ZNF385D: variants seen among roughly 807,000 people sequenced by gnomAD.
ZNF385D encodes zinc finger protein 385D, also known as zinc finger protein 659.
A neutral mutation model predicts 35.8 loss-of-function variants in ZNF385D; 15 were observed. The observed-to-expected ratio is 0.42, with a 90% CI of 0.28 to 0.64. The LOEUF is 0.64. Ranked by LOEUF, ZNF385D falls within the 30% of genes least tolerant of loss-of-function variation. ZNF385D has a pLI of 0.23. For missense variants in ZNF385D, 474 were observed against 494.6 expected (o/e 0.96, Z 0.39); for synonymous variants, 212 against 186.8 (o/e 1.13, Z -1.10).
chr3:21,533,899 T>C (rs561253046), intron 3 of ZNF385D, among the ~76,000 whole-genome samples: 125 of 152,236 alleles, frequency 8.2e-4, no homozygotes, highest in African/African-American at 3.0e-3. Context: ...ATATCAGACC[T>C]CTAGCAATCT....
chr3:21,651,536 T>A (rs961295429), intron 2 of ZNF385D, among the ~76,000 whole-genome samples: 3 of 151,974 alleles, frequency 2.0e-5, no homozygotes, highest in Non-Finnish European at 2.9e-5. Context: ...TCTCTTTTTT[T>A]TTTTCTTTTT....
chr3:22,212,313 CA>C (rs1034095971), intron 2 of ZNF385D, among the ~76,000 whole-genome samples: 1 of 151,994 alleles, frequency 6.6e-6, no homozygotes, highest in Admixed American at 6.6e-5. Flanking sequence ...ACAAAAACAA[CA>C]GAGTCTCTGT....
At chr3:22,326,297 G>C (rs917769641) in intron 2 of ZNF385D, among the ~76,000 whole-genome samples, 8 of 152,278 alleles carry the variant, frequency 5.3e-5, no homozygotes, top group African/African-American at 1.9e-4. Flanking sequence ...TTGAATCTGA[G>C]AGGTAAGGGA....
intron 1 of ZNF385D, among the ~76,000 whole-genome samples, chr3:21,672,337 C>T (rs1406536536): frequency 2.6e-5 from 4 of 151,330 alleles, no homozygotes; most frequent in South Asian, 2.1e-4. Flanking sequence ...AAAGTTGATC[C>T]AGCACTTACT....
At chr3:21,697,401 G>A (rs987188567) in intron 1 of ZNF385D, among the ~76,000 whole-genome samples, 1 of 152,134 alleles carries the variant, frequency 6.6e-6, no homozygotes, top group African/African-American at 2.4e-5. Context: ...AAAGTTTCGT[G>A]ATTTGTTTTG....
At chr3:22,332,488 A>C (rs888596701) in intron 2 of ZNF385D, among the ~76,000 whole-genome samples, 3 of 152,184 alleles carry the variant, frequency 2.0e-5, no homozygotes, top group Non-Finnish European at 4.4e-5. Context: ...ATGAATTATG[A>C]GTAGAAAGTA....
At chr3:21,810,763 T>C (rs1300267988) in intron 3 of ZNF385D, among the ~76,000 whole-genome samples, 4 of 151,976 alleles carry the variant, frequency 2.6e-5, no homozygotes, top group Non-Finnish European at 5.9e-5. Flanking sequence ...TAGATGCATA[T>C]GAAGCTGGAG....
intron 3 of ZNF385D, among the ~76,000 whole-genome samples, chr3:21,870,852 TCA>T (rs1697653415): frequency 1.3e-5 from 2 of 152,158 alleles, no homozygotes; most frequent in Non-Finnish European, 1.5e-5. Flanking sequence ...CAGAATCTGA[TCA>T]GATCTCATTT....
At chr3:22,188,742 G>A (rs1172266775) in intron 2 of ZNF385D, among the ~76,000 whole-genome samples, 3 of 152,156 alleles carry the variant, frequency 2.0e-5, no homozygotes, top group Admixed American at 6.6e-5. Context: ...GAGCCACCGC[G>A]CCCAGCCGTG....
intron 2 of ZNF385D, among the ~76,000 whole-genome samples, chr3:22,283,257 A>C (rs761654292): frequency 6.6e-6 from 1 of 152,150 alleles, no homozygotes; most frequent in Non-Finnish European, 1.5e-5. Flanking sequence ...CTCCACTGAC[A>C]GCTCTAGACA....
intron 2 of ZNF385D, among the ~76,000 whole-genome samples, chr3:22,333,223 T>G (rs1438261519): frequency 6.6e-6 from 1 of 152,188 alleles, no homozygotes; most frequent in East Asian, 1.9e-4. Context: ...CTGCTTTCAA[T>G]ATTTTTCTCA....
chr3:21,806,158 T>A (rs1235037659), intron 3 of ZNF385D, among the ~76,000 whole-genome samples: 1 of 151,836 alleles, frequency 6.6e-6, no homozygotes, highest in Non-Finnish European at 1.5e-5. Flanking sequence ...TCTCCCCCTC[T>A]CTTTCACTTC....
chr3:22,123,940 C>G (rs1425469135), intron 3 of ZNF385D, among the ~76,000 whole-genome samples: 1 of 97,224 alleles, frequency 1.0e-5, no homozygotes, highest in Non-Finnish European at 2.1e-5. Flanking sequence ...CTCTCTCTCT[C>G]TCTCTCTCTC....
chr3:21,737,152 C>T lies in ZNF385D; in HGVS notation c.22+13743G>A, dbSNP rs544486270. Reference sequence around the variant, plus strand: ...ACGGAGTTTCACCATGTTGGCCAGGCTGGTCTTGAACTCCTGACCTCAAGT... The same window carrying T: ...ACGGAGTTTCACCATGTTGGCCAGGTTGGTCTTGAACTCCTGACCTCAAGT... On this transcript the variant is annotated intron_variant, in intron 1 of 7. Transcript: ENST00000281523. Among the ~76,000 whole-genome samples, 20 of 152,256 alleles carry T rather than the reference C, an allele frequency of 1.3e-4. No individual in the cohort carries two copies. In the South Asian group the frequency reaches 1.7e-3, roughly 13 times the overall value.
chr3:21,976,483 T>C (rs1376961329), intron 3 of ZNF385D, among the ~76,000 whole-genome samples: 1 of 152,088 alleles, frequency 6.6e-6, no homozygotes, highest in Non-Finnish European at 1.5e-5. Flanking sequence ...CAGCTGAAGA[T>C]AAATGATCTG....
At chr3:22,356,917 C>T (rs1424370991) in intron 2 of ZNF385D, among the ~76,000 whole-genome samples, 2 of 151,798 alleles carry the variant, frequency 1.3e-5, no homozygotes, top group African/African-American at 4.8e-5. Context: ...TCAGAGTCTA[C>T]TATTAAGTGA....
chr3:21,609,423 A>G (rs2064600880), intron 2 of ZNF385D, among the ~76,000 whole-genome samples: 1 of 152,248 alleles, frequency 6.6e-6, no homozygotes, highest in African/African-American at 2.4e-5. Context: ...AGCAAGCCAA[A>G]TGGCTCATTT....
intron 3 of ZNF385D, among the ~76,000 whole-genome samples, chr3:21,970,606 G>A (rs1271979981): frequency 6.8e-6 from 1 of 147,116 alleles, no homozygotes; most frequent in Non-Finnish European, 1.5e-5. Context: ...GCCTTAAAGA[G>A]TAGAGAGAGA....
chr3:21,815,794 A>G (rs912792180), intron 3 of ZNF385D, among the ~76,000 whole-genome samples: 1 of 152,142 alleles, frequency 6.6e-6, no homozygotes, highest in African/African-American at 2.4e-5. Flanking sequence ...TATTCCAATC[A>G]ATAGAAAAAG....
Sources: allele counts gnomAD v4.1 joint callset (sites outside exome capture counted in the v4.1 genomes callset), GRCh38; gene constraint gnomAD v4.1.1; transcripts MANE v1.5; gene names NCBI Gene and HGNC (gene_info 2026-07-23, HGNC 2026-07-21).